Variants in PSAP observed in about 807,000 individuals in gnomAD.
PSAP encodes the protein prosaposin, also known as precursor of saposins.
In PSAP, 25 loss-of-function variants were observed where a neutral mutation model predicts 66.0. That is an observed-to-expected ratio of 0.38 (90% confidence interval 0.28 to 0.53). The LOEUF (loss-of-function observed/expected upper bound fraction) is 0.53. Ranked by LOEUF, PSAP falls within the 20% of genes least tolerant of loss-of-function variation. The probability of loss-of-function intolerance (pLI) is 0.83; values close to 1 mark genes in which losing one functional copy is unlikely to be tolerated. For missense variants in PSAP, 649 were observed against 668.8 expected (o/e 0.97, Z 0.33); for synonymous variants, 273 against 258.9 (o/e 1.05, Z -0.52).
At chr10:71,822,404 T>C (rs563789187) in intron 7 of PSAP, among the ~76,000 whole-genome samples, 121 of 152,290 alleles carry the variant, frequency 7.9e-4, no homozygotes, top group Non-Finnish European at 1.5e-3. Flanking sequence ...ACCATGCCCA[T>C]AAACTAACAG....
chr10:71,831,026 C>T, intron 4 of PSAP, 100 bp downstream of exon 4: 1 of 1,551,444 alleles, frequency 6.4e-7, no homozygotes, highest in Non-Finnish European at 8.8e-7. Flanking sequence ...AATTCCAGAG[C>T]TAAGAACAGA....
At position 71,819,145 on chromosome 10, in the gene PSAP, T is replaced by TG. The variant is rs768605850; in HGVS notation, c.1351-35dup. The TG allele has an allele frequency of 1.9e-6, 3 of 1,580,120 alleles. No individual in the cohort carries two copies. The South Asian group carries it at 3.3e-5, about 18-fold the overall frequency. On this transcript the variant is annotated intron_variant, in intron 11 of 13. Coordinates refer to ENST00000394936, the MANE Select transcript of PSAP (RefSeq NM_002778.4). Reference sequence around the variant, plus strand: ...GAAAGTGGGGACACAGGTCCAGCTCTGGGGGTGTCCGAGCATAGTGGGGCA... The same window carrying TG: ...GAAAGTGGGGACACAGGTCCAGCTCTGGGGGGTGTCCGAGCATAGTGGGGCA...
At chr10:71,834,014 T>C (rs936887313) in intron 2 of PSAP, among the ~76,000 whole-genome samples, 1 of 152,170 alleles carries the variant, frequency 6.6e-6, no homozygotes, top group African/African-American at 2.4e-5. Context: ...GTGGTGGGAA[T>C]GGGCACTGCC....
intron 1 of PSAP, among the ~76,000 whole-genome samples, chr10:71,848,874 G>A (rs541669690): frequency 1.3e-5 from 2 of 152,358 alleles, no homozygotes; most frequent in East Asian, 3.9e-4. Context: ...AGGTAGGACA[G>A]CAAAGTTAAA....
At position 71,817,411 on chromosome 10, in the gene PSAP, G is replaced by C. The variant is rs893721555; in HGVS notation, c.*30C>G. Reference sequence around the variant, plus strand: ...ACAAGTAGAAAAAAACCAATGCTGTGGTTTCTGCCAAGATGGAATATTCCT... The same window carrying C: ...ACAAGTAGAAAAAAACCAATGCTGTCGTTTCTGCCAAGATGGAATATTCCT... On this transcript the variant is annotated 3_prime_UTR_variant, in exon 14 of 14. Transcript: ENST00000394936. 12 of 1,612,002 alleles carry C rather than the reference G, an allele frequency of 7.4e-6. No individual in the cohort carries two copies. Among genetic ancestry groups the C allele is most frequent in the Admixed American group, 5.0e-5 (3 of 59,998 alleles).
intron 1 of PSAP, among the ~76,000 whole-genome samples, chr10:71,843,954 G>A (rs1336503358): frequency 1.3e-5 from 2 of 151,276 alleles, no homozygotes; most frequent in East Asian, 1.9e-4. Flanking sequence ...TACTACCTTT[G>A]TAACTTTTCT....
intron 1 of PSAP, among the ~76,000 whole-genome samples, chr10:71,849,647 C>A (rs1020628822): frequency 2.6e-5 from 4 of 151,744 alleles, no homozygotes; most frequent in Admixed American, 1.3e-4. Context: ...AAAAAAAAAA[C>A]GGCCAATAGC....
chr10:71,845,004 T>A (rs1186759779), intron 1 of PSAP, among the ~76,000 whole-genome samples: 1 of 152,186 alleles, frequency 6.6e-6, no homozygotes, highest in Non-Finnish European at 1.5e-5. Context: ...TTATTATATA[T>A]TGTTTTAATT....
chr10:71,844,091 ACTC>A (rs1842777851), intron 1 of PSAP, among the ~76,000 whole-genome samples: 1 of 152,224 alleles, frequency 6.6e-6, no homozygotes, highest in Non-Finnish European at 1.5e-5. Flanking sequence ...AAGTCATTTT[ACTC>A]CTATCAAATT....
At chr10:71,848,160 G>A (rs1281133112) in intron 1 of PSAP, among the ~76,000 whole-genome samples, 4 of 152,176 alleles carry the variant, frequency 2.6e-5, no homozygotes, top group African/African-American at 9.7e-5. Context: ...GTGTTCAAAG[G>A]TTAACAATGT....
At chr10:71,829,249 C>T (rs759408440) in intron 4 of PSAP, among the ~76,000 whole-genome samples, 172 bp from the exon 5 acceptor site, 4 of 152,164 alleles carry the variant, frequency 2.6e-5, no homozygotes, top group African/African-American at 7.2e-5. Flanking sequence ...TTACCCAATC[C>T]GAGTGCCTAA....
Position 71,825,868 on chromosome 10 carries a change from G to C in PSAP, c.746C>G (p.Ser249Cys). 1 of 1,613,688 alleles carries C rather than the reference G, an allele frequency of 6.2e-7. No homozygotes were observed. The highest frequency in any genetic ancestry group is 8.5e-7 in the Non-Finnish European group (1 of 1,179,594). Residue 249 changes from serine (S) to cysteine (C), a missense_variant, in exon 7 of 14, where the codon TCT becomes TGT. Transcript: ENST00000394936. ...CATCATCATCTGGATAGCAATTTCA[G>C]AATACTGGCTGATATAGTTCTTGCA... is the stretch of plus-strand genomic sequence containing the variant. ...DICKNYISQY[S>C]EIAIQMMMHM...
intron 7 of PSAP, chr10:71,823,803 A>G: frequency 1.0e-6 from 1 of 986,306 alleles, no homozygotes. Context: ...GTCAGAGCTA[A>G]TCATGCCATA....
intron 1 of PSAP, among the ~76,000 whole-genome samples, chr10:71,850,814 G>A (rs996082765): frequency 6.6e-6 from 1 of 152,206 alleles, no homozygotes; most frequent in South Asian, 2.1e-4. Context: ...GATCACGTGC[G>A]CCCAGCACAG....
chr10:71,821,582 G>T (rs183482293), intron 8 of PSAP, among the ~76,000 whole-genome samples: 46 of 152,306 alleles, frequency 3.0e-4, no homozygotes, highest in African/African-American at 1.1e-3. Flanking sequence ...AGGTGAGGCT[G>T]AAGCCAGGCA....
intron 1 of PSAP, 32 bp from the exon 2 acceptor site, chr10:71,834,537 C>G: frequency 6.2e-7 from 1 of 1,610,990 alleles, no homozygotes; most frequent in African/African-American, 1.3e-5. Context: ...GGAGGTGGCC[C>G]ATTTTGTAGC....
Position 71,834,479 on chromosome 10 carries a change from T to C in PSAP, c.67A>G (p.Lys23Glu), listed in dbSNP as rs143016278. The change falls in exon 2 of 14, where the codon AAA (lysine) becomes GAA (glutamate). Residue 23 changes from lysine (K) to glutamate (E), a missense_variant. Coordinates refer to ENST00000394936, the MANE Select transcript of PSAP (RefSeq NM_002778.4). ...AALAGPVLGL[K>E]ECTRGSAVWC... ...ACTGCCGAGCCCCTGGTGCATTCTTTCAGTCCAAGGACCGGGCCGGCTAGA... is the reference window on the plus strand; with the variant it reads ...ACTGCCGAGCCCCTGGTGCATTCTTCCAGTCCAAGGACCGGGCCGGCTAGA... 63 of 1,613,954 alleles carry C rather than the reference T, an allele frequency of 3.9e-5. No individual in the cohort carries two copies. The highest frequency in any genetic ancestry group is 5.1e-5 in the Non-Finnish European group (60 of 1,180,000).
At chr10:71,839,489 C>T (rs998555784) in intron 1 of PSAP, among the ~76,000 whole-genome samples, 2 of 152,144 alleles carry the variant, frequency 1.3e-5, no homozygotes, top group African/African-American at 4.8e-5. Flanking sequence ...CCACCCGCCT[C>T]GGCCTCCCAA....
At position 71,831,764 on chromosome 10, in the gene PSAP, T is replaced by G. The variant is rs529319263; in HGVS notation, c.249+82A>C. 3.6e-6 allele frequency: 5 copies of G among 1,390,636 alleles called. No homozygotes were observed. In the East Asian group the frequency reaches 1.1e-4, roughly 32 times the overall value. The allele number at this position is 1,390,636 out of a possible 1,614,324, so 86.1% of individuals were successfully genotyped here. ...CCCTCAGGCCTACACCATTCCTCTT[T>G]AGACACCCGGAATCACAGCTCTCTT... On this transcript the variant is annotated intron_variant, in intron 3 of 13. Transcript: ENST00000394936.
Sources: gnomAD v4.1 joint callset for allele counts (sites outside exome capture counted in the v4.1 genomes callset) on GRCh38, gnomAD v4.1.1 for gene constraint, MANE v1.5 for transcripts, NCBI Gene and HGNC (gene_info 2026-07-23, HGNC 2026-07-21) for gene names.